Variants in SERTAD2 observed in about 807,000 individuals in gnomAD.
The protein encoded by SERTAD2 is SERTA domain-containing protein 2.
SERTAD2 carries 2 observed loss-of-function variants against 15.4 expected under a neutral mutation model. The ratio of observed to expected loss-of-function variants is 0.13; its 90% CI spans 0.05 to 0.41. The LOEUF (loss-of-function observed/expected upper bound fraction) is 0.41. SERTAD2 is among the 10% of genes least tolerant of loss of function. The pLI, the probability that SERTAD2 is intolerant of heterozygous loss-of-function variation, is 0.99. For missense variants in SERTAD2, 333 were observed against 409.7 expected, an observed-to-expected ratio of 0.81 and a Z score of 1.62; for synonymous variants, 180 against 178.0, an observed-to-expected ratio of 1.01 and a Z score of -0.09.
In SERTAD2 at chr2:64,636,635, T is replaced by C. The variant is rs745966485; in HGVS notation, c.237A>G (p.Glu79=). The C allele has an allele frequency of 6.7e-5, 108 of 1,613,742 alleles. No homozygotes were observed. The highest frequency in any genetic ancestry group is 1.5e-4 in the Admixed American group (9 of 59,982). ...LRRIQEELKQ[E]GSLRPMFTPS... is the part of the protein sequence containing the mutation. Reference sequence around the variant, plus strand: ...GGGTGAACATGGGCCTCAGGCTGCCTTCCTGTTTGAGTTCCTCCTGGATCC... The same window carrying C: ...GGGTGAACATGGGCCTCAGGCTGCCCTCCTGTTTGAGTTCCTCCTGGATCC... The change falls in exon 2 of 2, where the codon GAA becomes GAG. Residue 79 remains glutamate (E), a synonymous_variant. Coordinates refer to ENST00000313349, the MANE Select transcript of SERTAD2 (RefSeq NM_014755.3).
intron 1 of SERTAD2, among the ~76,000 whole-genome samples, chr2:64,649,573 T>C (rs1422996603): frequency 6.6e-6 from 1 of 152,170 alleles, no homozygotes; most frequent in East Asian, 1.9e-4. Context: ...GTTAACTGCC[T>C]AGGAAGGTTT....
At position 64,635,969 on chromosome 2, in the gene SERTAD2, G is replaced by A; in HGVS notation, c.903C>T (p.Leu301=). The A allele has an allele frequency of 1.9e-6, 3 of 1,614,070 alleles. No homozygotes were observed. The highest frequency in any genetic ancestry group is 2.5e-6 in the Non-Finnish European group (3 of 1,179,970). The change falls in exon 2 of 2, where the codon CTC becomes CTT. Residue 301 remains leucine, a synonymous_variant. Coordinates refer to ENST00000313349, the MANE Select transcript of SERTAD2 (RefSeq NM_014755.3). ...CCTCCATGATGTGGTCCAGCTCTGTGAGGTCCATTTTGAAAGGCTGACTTG... is the reference window on the plus strand; with the variant it reads ...CCTCCATGATGTGGTCCAGCTCTGTAAGGTCCATTTTGAAAGGCTGACTTG... The part of the protein sequence containing the change: ...VTPSQPFKMD[L]TELDHIMEVL...
At chr2:64,643,074 A>G (rs1463323338) in intron 1 of SERTAD2, among the ~76,000 whole-genome samples, 2 of 152,188 alleles carry the variant, frequency 1.3e-5, no homozygotes, top group Non-Finnish European at 2.9e-5. Context: ...TCAAAGATTG[A>G]GTGGAGACAC....
chr2:64,645,692 T>C (rs1674887402), intron 1 of SERTAD2, among the ~76,000 whole-genome samples: 2 of 152,224 alleles, frequency 1.3e-5, no homozygotes, highest in Non-Finnish European at 2.9e-5. Context: ...AATATTTCTT[T>C]AGAATAAATT....
chr2:64,645,547 T>C (rs536598120), intron 1 of SERTAD2, among the ~76,000 whole-genome samples: 12 of 152,360 alleles, frequency 7.9e-5, no homozygotes, highest in Middle Eastern at 3.4e-3. Flanking sequence ...TCCTATTAAA[T>C]TGAAGGCAAT....
In SERTAD2 at chr2:64,634,199, T is replaced by C. The variant is rs1674602626; in HGVS notation, c.*1728A>G. The C allele has an allele frequency of 6.6e-6, 1 of 152,122 alleles. No individual in the cohort carries two copies. Among genetic ancestry groups the C allele is most frequent in the African/African-American group, 2.4e-5 (1 of 41,410 alleles). The allele number at this position is 152,122 out of a possible 1,614,324, so 9.4% of individuals were successfully genotyped here. A position where few individuals can be genotyped will look rare whatever the true frequency, so the allele number is the denominator to read the frequency against. ...TAAAGAAGCCATCTGCATAACAATA[T>C]AGGTTGTAACCTGCACTCAACAGCT... On this transcript the variant is annotated 3_prime_UTR_variant, in exon 2 of 2. Coordinates refer to ENST00000313349, the MANE Select transcript of SERTAD2 (RefSeq NM_014755.3).
At chr2:64,653,104 G>A (rs1675048733) in intron 1 of SERTAD2, among the ~76,000 whole-genome samples, 1 of 152,138 alleles carries the variant, frequency 6.6e-6, no homozygotes, top group Non-Finnish European at 1.5e-5. Flanking sequence ...AGAAAAGAGG[G>A]TGGAGAGGAA....
chr2:64,643,903 A>G (rs972001471), intron 1 of SERTAD2, among the ~76,000 whole-genome samples: 6 of 151,984 alleles, frequency 3.9e-5, no homozygotes, highest in African/African-American at 1.5e-4. Context: ...AAAAACACCA[A>G]GCTGTATCCC....
intron 1 of SERTAD2, among the ~76,000 whole-genome samples, chr2:64,644,229 C>T (rs1433291253): frequency 6.6e-6 from 1 of 152,152 alleles, no homozygotes; most frequent in Non-Finnish European, 1.5e-5. Context: ...GAAAGGGGTG[C>T]CCCTGGTAAA....
chr2:64,641,004 T>C (rs1033888514), intron 1 of SERTAD2, among the ~76,000 whole-genome samples: 6 of 152,204 alleles, frequency 3.9e-5, no homozygotes, highest in African/African-American at 1.4e-4. Flanking sequence ...TTCCTAGCAT[T>C]CTGGTTTTCT....
At chr2:64,639,311 C>T (rs933420824) in intron 1 of SERTAD2, among the ~76,000 whole-genome samples, 1 of 152,220 alleles carries the variant, frequency 6.6e-6, no homozygotes, top group Non-Finnish European at 1.5e-5. Flanking sequence ...TACACAGTAA[C>T]TGTTATGTCT....
In SERTAD2 at chr2:64,635,459, C is replaced by T. The variant is rs1193634227; in HGVS notation, c.*468G>A. 6.5e-6 allele frequency: 1 copy of T among 153,230 alleles called. No homozygotes were observed. Among genetic ancestry groups the T allele is most frequent in the African/African-American group, 2.4e-5 (1 of 41,348 alleles). 9.5% of individuals were successfully genotyped at this position (153,230 alleles called of 1,614,324 possible). The stretch of plus-strand genomic sequence containing the variant: ...GAGTAGTTAATGCCTCTAAAAAGGC[C>T]GAATTGCCAAGTCAACCTATACAGG... On this transcript the variant is annotated 3_prime_UTR_variant, in exon 2 of 2. Coordinates refer to ENST00000313349, the MANE Select transcript of SERTAD2 (RefSeq NM_014755.3).
At chr2:64,651,212 GA>G (rs1312004444) in intron 1 of SERTAD2, among the ~76,000 whole-genome samples, 5 of 152,106 alleles carry the variant, frequency 3.3e-5, no homozygotes, top group African/African-American at 1.2e-4. Context: ...TTTTTAACAA[GA>G]AACCACAGCA....
intron 1 of SERTAD2, among the ~76,000 whole-genome samples, chr2:64,639,190 G>A (rs1477311589): frequency 6.6e-6 from 1 of 152,190 alleles, no homozygotes; most frequent in Non-Finnish European, 1.5e-5. Flanking sequence ...CTCTAAAATA[G>A]TGTTTCTCAA....
chr2:64,652,914 C>T (rs1260720488), intron 1 of SERTAD2, among the ~76,000 whole-genome samples: 1 of 152,028 alleles, frequency 6.6e-6, no homozygotes, highest in Non-Finnish European at 1.5e-5. Flanking sequence ...GTGACGACAC[C>T]CCCTCTCTTA....
In SERTAD2 at chr2:64,636,376, T is replaced by C. The variant is rs201954618; in HGVS notation, c.496A>G (p.Lys166Glu). Residue 166 changes from lysine (K) to glutamate (E), a missense_variant, in exon 2 of 2, where the codon AAG becomes GAG. Coordinates refer to ENST00000313349, the MANE Select transcript of SERTAD2 (RefSeq NM_014755.3). ...TCCAAGGCAGAGGAGAAACTGTCCT[T>C]TTCTGGCAAGAGGGCTGGAGGTGAC... is the stretch of plus-strand genomic sequence containing the variant. Reference protein sequence around the residue: ...KLSPPALLPEKDSFSSALDEI... With the variant: ...KLSPPALLPEEDSFSSALDEI... 20 of 1,614,178 alleles carry C rather than the reference T, an allele frequency of 1.2e-5. No individual in the cohort carries two copies. The East Asian group carries it at 4.5e-4, about 36-fold the overall frequency.
In SERTAD2 at chr2:64,633,714, C is replaced by T. The variant is rs1253211463; in HGVS notation, c.*2213G>A. The T allele has an allele frequency of 2.0e-5, 3 of 152,214 alleles. No homozygotes were observed. The highest frequency in any genetic ancestry group is 4.4e-5 in the Non-Finnish European group (3 of 68,036). 9.4% of individuals were successfully genotyped at this position (152,214 alleles called of 1,614,324 possible). On this transcript the variant is annotated 3_prime_UTR_variant, in exon 2 of 2. Transcript: ENST00000313349. The stretch of plus-strand genomic sequence containing the variant: ...AACCCTCACCTCAGTTACATGGTCC[C>T]TGGTCCTATTAAAGGAAATGACACA...
At position 64,635,555 on chromosome 2, in the gene SERTAD2, T is replaced by C. The variant is rs1558650828; in HGVS notation, c.*372A>G. ...TATATATAGTTTTCTTCTTTACCTC[T>C]TGCAATAAAACTTATAGAAAAAATA... On this transcript the variant is annotated 3_prime_UTR_variant, in exon 2 of 2. Coordinates refer to ENST00000313349, the MANE Select transcript of SERTAD2 (RefSeq NM_014755.3). 2 of 177,316 alleles carry C rather than the reference T, an allele frequency of 1.1e-5. No homozygotes were observed. The highest frequency in any genetic ancestry group is 2.4e-4 in the South Asian group (2 of 8,264). 11.0% of individuals were successfully genotyped at this position (177,316 alleles called of 1,614,324 possible).
In SERTAD2 at chr2:64,635,680, A is replaced by G; in HGVS notation, c.*247T>C. 2.4e-6 allele frequency: 1 copy of G among 420,898 alleles called. No homozygotes were observed. The highest frequency in any genetic ancestry group is 4.3e-6 in the Non-Finnish European group (1 of 234,350). 26.1% of individuals were successfully genotyped at this position (420,898 alleles called of 1,614,324 possible). On this transcript the variant is annotated 3_prime_UTR_variant, in exon 2 of 2. Coordinates refer to ENST00000313349, the MANE Select transcript of SERTAD2 (RefSeq NM_014755.3). ...ATTCAACATTGCAACATTGTCTTCA[A>G]ATGGATTCTTTCCTATACCAGGGTA...
Sources: allele counts gnomAD v4.1 joint callset (sites outside exome capture counted in the v4.1 genomes callset), GRCh38; gene constraint gnomAD v4.1.1; transcripts MANE v1.5; gene names NCBI Gene and HGNC (gene_info 2026-07-23, HGNC 2026-07-21).